The following SSR4 variants were observed in gnomAD, a reference collection of about 807,000 sequenced individuals.
SSR4 encodes the protein translocon-associated protein subunit delta.
For missense variants in SSR4, 125 were observed against 148.8 expected, an observed-to-expected ratio of 0.84 and a Z score of 0.83; for synonymous variants, 84 against 65.6, an observed-to-expected ratio of 1.28 and a Z score of -1.35.
upstream of SSR4, chrX:153,794,370 G>T: frequency 8.6e-7 from 1 of 1,168,351 alleles, no homozygotes. Context: ...CGCAGATACC[G>T]CTCTCGCGAG....
At position 153,796,558 on chromosome X, in the gene SSR4, A is replaced by G. The variant is rs782516373; in HGVS notation, c.186+6A>G. On this transcript the variant is annotated splice_donor_region_variant and intron_variant, in intron 2 of 5. Transcript: ENST00000370086. ...CATGCAAGAACAGGGTCCAGGTGAG[A>G]CAGTGGGGTTTCAGACAGGAGGGCG... 9 of 1,174,748 alleles carry G rather than the reference A, an allele frequency of 7.7e-6. No homozygotes were observed. In the South Asian group the frequency reaches 1.3e-4, roughly 16 times the overall value.
chrX:153,794,177 T>C (rs1216641863), upstream of SSR4: 36 of 1,092,874 alleles, frequency 3.3e-5, no homozygotes, highest in Non-Finnish European at 4.0e-5. Context: ...TCCAGACTGC[T>C]TCGGGTGCGG....
At chrX:153,796,366 G>T in intron 1 of SSR4, 68 bp from the exon 2 acceptor site, 1 of 799,994 alleles carries the variant, frequency 1.3e-6, no homozygotes, top group Non-Finnish European at 1.9e-6. Context: ...GCAGGGCCGG[G>T]CCATCCTGCC....
upstream of SSR4, chrX:153,794,180 G>A: frequency 1.8e-6 from 2 of 1,102,003 alleles, no homozygotes; most frequent in Non-Finnish European, 2.4e-6. Context: ...AGACTGCTTC[G>A]GGTGCGGCTA....
At position 153,798,383 on chromosome X, in the gene SSR4, C is replaced by T. The variant is rs2092155946; in HGVS notation, c.472C>T (p.Leu158Phe). The stretch of plus-strand genomic sequence containing the variant: ...TGAGGTGCTGGCTGCGGCGATCGGC[C>T]TTGTGATCTACTACTTGGCCTTCAG... ...STEVLAAAIGLVIYYLAFSAK... is the reference protein window; with the variant it reads ...STEVLAAAIGFVIYYLAFSAK... Residue 158 changes from leucine to phenylalanine, a missense_variant, in exon 6 of 6, where the codon CTT (leucine) becomes TTT (phenylalanine). Leu to Phe is a conservative substitution (Grantham distance 22). Coordinates refer to ENST00000370086, the MANE Select transcript of SSR4 (RefSeq NM_006280.3). 6 of 1,204,522 alleles carry T rather than the reference C, an allele frequency of 5.0e-6. No individual in the cohort carries two copies. The highest frequency in any genetic ancestry group is 6.7e-6 in the Non-Finnish European group (6 of 891,832).
At chrX:153,794,649 G>T (rs782457591), upstream of SSR4, 4 of 1,211,464 alleles carry the variant, frequency 3.3e-6, no homozygotes, top group South Asian at 7.0e-5. Flanking sequence ...TCGTGTTCAT[G>T]GGAGCTCGTT....
chrX:153,796,855 G>A (rs2092144875), intron 2 of SSR4: 4 of 289,247 alleles, frequency 1.4e-5, no homozygotes, highest in African/African-American at 2.7e-5. Context: ...CAGTTTGTCT[G>A]TGTGGGTGTT....
chrX:153,795,181 C>G (rs1222916960), intron 1 of SSR4: 7 of 149,848 alleles, frequency 4.7e-5, no homozygotes, highest in Non-Finnish European at 7.9e-5. Flanking sequence ...AGATGGGGAG[C>G]CAAAGGTGCG....
chrX:153,794,874 C>A, intron 1 of SSR4, 120 bp downstream of exon 1: 1 of 881,661 alleles, frequency 1.1e-6, no homozygotes, highest in Non-Finnish European at 1.6e-6. Context: ...CCGGGCCTTC[C>A]CCCGAGAGGC....
At chrX:153,797,876 G>C in intron 4 of SSR4, 62 bp downstream of exon 4, 6 of 1,009,619 alleles carry the variant, frequency 5.9e-6, no homozygotes, top group Non-Finnish European at 8.2e-6. Flanking sequence ...GGCTGGGTTG[G>C]GAGGTGCTGG....
At chrX:153,794,776 C>A in intron 1 of SSR4, 22 bp downstream of exon 1, 1 of 1,205,801 alleles carries the variant, frequency 8.3e-7, no homozygotes, top group South Asian at 1.8e-5. Context: ...GCCGGGGCTT[C>A]TTTCTTGCGA....
chrX:153,794,457 C>T, upstream of SSR4: 1 of 1,142,068 alleles, frequency 8.8e-7, no homozygotes, highest in Non-Finnish European at 1.2e-6. Context: ...CCGATTCACG[C>T]CCCCTTCCGG....
chrX:153,796,167 C>G lies in SSR4; in HGVS notation c.68-267C>G, dbSNP rs182861204. The stretch of plus-strand genomic sequence containing the variant: ...TGTATTGTCCAGTGAATCCAGCCCC[C>G]ACCTGTCCCCAGTTCGCTCTTCCTG... On this transcript the variant is annotated intron_variant, in intron 1 of 5. Transcript: ENST00000370086. The G allele has an allele frequency of 1.1e-4, 39 of 368,721 alleles. No homozygotes were observed. In the East Asian group the frequency reaches 1.3e-3, roughly 13 times the overall value. 30.4% of individuals were successfully genotyped at this position (368,721 alleles called of 1,213,427 possible).
At chrX:153,794,312 T>C, upstream of SSR4, 1 of 1,197,675 alleles carries the variant, frequency 8.3e-7, no homozygotes, top group Middle Eastern at 2.3e-4. Context: ...CGACGGTCGC[T>C]ACCTTCAGCG....
upstream of SSR4, chrX:153,794,654 C>G (rs782284661): frequency 8.3e-7 from 1 of 1,210,760 alleles, no homozygotes; most frequent in African/African-American, 1.7e-5. Context: ...TTCATGGGAG[C>G]TCGTTTTCTT....
chrX:153,796,201 C>T (rs1428473969), intron 1 of SSR4: 11 of 403,133 alleles, frequency 2.7e-5, no homozygotes, highest in African/African-American at 2.3e-4. Context: ...TGCACACCTC[C>T]AGAAAGCCGG....
intron 1 of SSR4, 82 bp downstream of exon 1, chrX:153,794,836 CCGGCCTTTCAGGGT>C: frequency 9.1e-7 from 1 of 1,097,680 alleles, no homozygotes; most frequent in Non-Finnish European, 1.2e-6. Context: ...ATGCGGGGGT[CCGGCCTTTCAGGGT>C]CCGTCGCTGC....
At position 153,797,316 on chromosome X, in the gene SSR4, C is replaced by T. The variant is rs2092147557; in HGVS notation, c.187-142C>T. The T allele has an allele frequency of 5.9e-6, 3 of 507,969 alleles. No individual in the cohort carries two copies. In the Admixed American group the frequency reaches 8.7e-5, roughly 15 times the overall value. 41.9% of individuals were successfully genotyped at this position (507,969 alleles called of 1,213,427 possible). ...CCAGTCACGGGATTGGTGAGTGTTA[C>T]TTGGTACCTCCTGCCAGGGACACTG... On this transcript the variant is annotated intron_variant, in intron 2 of 5. Transcript: ENST00000370086.
In SSR4 at chrX:153,797,677, G is replaced by A. The variant is rs4251693; in HGVS notation, c.262-48G>A. 2,402 of 1,148,501 alleles carry A rather than the reference G, an allele frequency of 2.1e-3. 2 individuals are homozygous for A. Among genetic ancestry groups the A allele is most frequent in the Non-Finnish European group, 2.6e-3 (2,181 of 842,167 alleles). 94.6% of individuals were successfully genotyped at this position (1,148,501 alleles called of 1,213,427 possible). A position where few individuals can be genotyped will look rare whatever the true frequency, so the allele number is the denominator to read the frequency against. Reference sequence around the variant, plus strand: ...AGTGTCGGCACTGGTGGTCAGGGTGGCCCCTCCGTGTCCACTCTGCCCACA... The same window carrying A: ...AGTGTCGGCACTGGTGGTCAGGGTGACCCCTCCGTGTCCACTCTGCCCACA... On this transcript the variant is annotated intron_variant, in intron 3 of 5. Coordinates refer to ENST00000370086, the MANE Select transcript of SSR4 (RefSeq NM_006280.3).
Sources: gnomAD v4.1 joint callset for allele counts on GRCh38, gnomAD v4.1.1 for gene constraint, MANE v1.5 for transcripts, NCBI Gene and HGNC (gene_info 2026-07-23, HGNC 2026-07-21) for gene names.